ADAM12: variants seen among roughly 807,000 people sequenced by gnomAD.
ADAM12 encodes the protein disintegrin and metalloproteinase domain-containing protein 12.
In ADAM12, 70 loss-of-function variants were observed where a neutral mutation model predicts 106.4. The observed-to-expected ratio is 0.66, with a 90% CI of 0.54 to 0.80. The LOEUF (loss-of-function observed/expected upper bound fraction) is 0.80. Ranked by LOEUF, ADAM12 falls within the 30% of genes least tolerant of loss-of-function variation. ADAM12 has a pLI of 0.00. For synonymous variants in ADAM12, 420 were observed against 433.5 expected (o/e 0.97, Z 0.39); for missense variants, 1,010 against 1,171.9 (o/e 0.86, Z 2.02).
chr10:126,044,090 T>A (rs1468860281), intron 17 of ADAM12, among the ~76,000 whole-genome samples: 1 of 152,122 alleles, frequency 6.6e-6, no homozygotes, highest in Non-Finnish European at 1.5e-5. Context: ...CATGATCCAA[T>A]GGAAGATGAC....
At chr10:126,154,730 T>C (rs1241086231) in intron 4 of ADAM12, among the ~76,000 whole-genome samples, 1 of 152,122 alleles carries the variant, frequency 6.6e-6, no homozygotes, top group African/African-American at 2.4e-5. Flanking sequence ...AAAGTTCAAA[T>C]ACCAGAAACA....
intron 21 of ADAM12, among the ~76,000 whole-genome samples, chr10:126,026,427 G>T (rs1342930693): frequency 6.6e-6 from 1 of 152,090 alleles, no homozygotes; most frequent in Non-Finnish European, 1.5e-5. Context: ...GGAGCAAGTG[G>T]ATCTGTTATA....
intron 3 of ADAM12, among the ~76,000 whole-genome samples, chr10:126,195,308 C>G (rs1453021750): frequency 6.6e-6 from 1 of 152,054 alleles, no homozygotes; most frequent in Non-Finnish European, 1.5e-5. Flanking sequence ...GGTGTGGTGG[C>G]TCATGTGTAT....
chr10:126,079,776 A>G (rs571371099), intron 11 of ADAM12, among the ~76,000 whole-genome samples: 34 of 152,328 alleles, frequency 2.2e-4, no homozygotes, highest in African/African-American at 7.9e-4. Flanking sequence ...AGCCCAATGT[A>G]TGGCATTTTG....
chr10:126,254,794 TC>T (rs1380344594), intron 3 of ADAM12, among the ~76,000 whole-genome samples: 2 of 152,208 alleles, frequency 1.3e-5, no homozygotes, highest in African/African-American at 4.8e-5. Flanking sequence ...AGGGGTTTCT[TC>T]ACCTGTTCAG....
intron 2 of ADAM12, among the ~76,000 whole-genome samples, chr10:126,284,308 G>C (rs973353502): frequency 1.5e-5 from 2 of 134,114 alleles, no homozygotes; most frequent in Non-Finnish European, 3.1e-5. Flanking sequence ...ACTCCAGCCT[G>C]GATGACAGAG....
chr10:126,294,170 G>A (rs920092501), intron 2 of ADAM12, among the ~76,000 whole-genome samples: 1 of 152,234 alleles, frequency 6.6e-6, no homozygotes, highest in Admixed American at 6.5e-5. Context: ...GCTAAGTACG[G>A]GCTGTCCACC....
chr10:126,177,018 A>C (rs1957230951), intron 3 of ADAM12, among the ~76,000 whole-genome samples: 1 of 149,472 alleles, frequency 6.7e-6, no homozygotes, highest in African/African-American at 2.5e-5. Flanking sequence ...GAGTGTGCCA[A>C]AGTGTATGTG....
chr10:126,343,715 A>G (rs1226780492), intron 1 of ADAM12, among the ~76,000 whole-genome samples: 2 of 152,104 alleles, frequency 1.3e-5, no homozygotes, highest in Admixed American at 1.3e-4. Flanking sequence ...TTTAATGATC[A>G]CCATTCTAAC....
intron 3 of ADAM12, among the ~76,000 whole-genome samples, chr10:126,182,665 C>A (rs1451032683): frequency 6.6e-6 from 1 of 152,074 alleles, no homozygotes; most frequent in Non-Finnish European, 1.5e-5. Flanking sequence ...TGCGGGGATT[C>A]AAAGCAAATA....
chr10:126,330,206 T>G (rs1354367400), intron 2 of ADAM12, among the ~76,000 whole-genome samples: 1 of 152,222 alleles, frequency 6.6e-6, no homozygotes, highest in Admixed American at 6.5e-5. Flanking sequence ...TTTCAGTAGA[T>G]GCAAATAATG....
intron 3 of ADAM12, among the ~76,000 whole-genome samples, chr10:126,238,922 C>T (rs762667766): frequency 1.2e-4 from 18 of 152,128 alleles, no homozygotes; most frequent in Non-Finnish European, 2.4e-4. Context: ...AGAGGATTTG[C>T]TTCAGAGGCA....
intron 3 of ADAM12, among the ~76,000 whole-genome samples, chr10:126,204,692 C>T (rs1037672610): frequency 6.6e-6 from 1 of 152,234 alleles, no homozygotes; most frequent in Non-Finnish European, 1.5e-5. Context: ...ATTAAACCAA[C>T]CATGGGCCCT....
At chr10:126,277,684 C>CT (rs1959334560) in intron 3 of ADAM12, among the ~76,000 whole-genome samples, 1 of 152,056 alleles carries the variant, frequency 6.6e-6, no homozygotes, top group African/African-American at 2.4e-5. Context: ...ATACATGTGT[C>CT]TGAATCTCTA....
intron 1 of ADAM12, 106 bp downstream of exon 1, chr10:126,387,952 G>T: frequency 8.6e-7 from 1 of 1,156,636 alleles, no homozygotes; most frequent in Non-Finnish European, 1.1e-6. Context: ...GAGATGCGCC[G>T]GGGCGCGTCG....
intron 2 of ADAM12, among the ~76,000 whole-genome samples, chr10:126,297,097 TCC>T (rs1250008664): frequency 2.0e-5 from 3 of 152,156 alleles, no homozygotes; most frequent in African/African-American, 7.2e-5. Flanking sequence ...GTTTTCCTAC[TCC>T]TTAAAAATGT....
chr10:126,220,142 C>T (rs1958062851), intron 3 of ADAM12, among the ~76,000 whole-genome samples: 1 of 152,230 alleles, frequency 6.6e-6, no homozygotes, highest in Non-Finnish European at 1.5e-5. Context: ...GAAGCCTCCA[C>T]TCTTCAGAGA....
At chr10:126,203,939 C>CAT (rs909403268) in intron 3 of ADAM12, among the ~76,000 whole-genome samples, 8 of 150,266 alleles carry the variant, frequency 5.3e-5, no homozygotes, top group African/African-American at 1.9e-4. Flanking sequence ...CGCGCGCGCG[C>CAT]GTGTGTGTGT....
At chr10:126,350,388 G>A (rs902573807) in intron 1 of ADAM12, among the ~76,000 whole-genome samples, 6 of 152,158 alleles carry the variant, frequency 3.9e-5, no homozygotes, top group African/African-American at 9.7e-5. Flanking sequence ...ACACAGAGTC[G>A]GCCAAGCCCG....
Sources: allele counts gnomAD v4.1 joint callset (sites outside exome capture counted in the v4.1 genomes callset), GRCh38; gene constraint gnomAD v4.1.1; transcripts MANE v1.5; gene names NCBI Gene and HGNC (gene_info 2026-07-23, HGNC 2026-07-21).